COL11A1: variants seen among roughly 807,000 people sequenced by gnomAD.
COL11A1 encodes the protein collagen type XI alpha 1 chain, also known as collagen alpha-1(XI) chain.
Under a neutral mutation model 265.2 loss-of-function variants are expected in COL11A1, and 74 were observed. That is an observed-to-expected ratio of 0.28 (90% CI 0.23 to 0.34). The LOEUF (loss-of-function observed/expected upper bound fraction) is 0.34, where lower values mean the gene tolerates loss of function less well. Ranked by LOEUF, COL11A1 falls within the 10% of genes least tolerant of loss-of-function variation. COL11A1 has a pLI of 1.00. For missense variants in COL11A1, 2,165 were observed against 2,263.6 expected (o/e 0.96, Z 0.88); for synonymous variants, 816 against 727.6 (o/e 1.12, Z -1.96).
chr1:102,933,171 C>T (rs1435477423), intron 46 of COL11A1, among the ~76,000 whole-genome samples: 1 of 148,726 alleles, frequency 6.7e-6, no homozygotes, highest in East Asian at 2.0e-4. Flanking sequence ...AGGTGCTCTG[C>T]TTTTTAGAGT....
chr1:102,985,273 T>C lies in COL11A1; in HGVS notation c.2503-1082A>G, dbSNP rs1033465665. On this transcript the variant is annotated intron_variant, in intron 30 of 66. Coordinates refer to ENST00000370096, the MANE Select transcript of COL11A1 (RefSeq NM_001854.4). Reference sequence around the variant, plus strand: ...TTGATAAAAGATGAACAGAAGCTTATAAATAAAAATAAGTATTTTACTGGA... The same window carrying C: ...TTGATAAAAGATGAACAGAAGCTTACAAATAAAAATAAGTATTTTACTGGA... Among the ~76,000 whole-genome samples, 4 of 152,184 alleles carry C rather than the reference T, an allele frequency of 2.6e-5. No individual in the cohort carries two copies. In the South Asian group the frequency reaches 8.3e-4, roughly 32 times the overall value.
At chr1:103,048,985 C>G (rs1043348702) in intron 4 of COL11A1, among the ~76,000 whole-genome samples, 1 of 152,084 alleles carries the variant, frequency 6.6e-6, no homozygotes, top group African/African-American at 2.4e-5. Flanking sequence ...AATTTCTGTT[C>G]TTTTACATTT....
chr1:103,056,298 A>G (rs1481353453), intron 4 of COL11A1, among the ~76,000 whole-genome samples: 1 of 152,202 alleles, frequency 6.6e-6, no homozygotes, highest in African/African-American at 2.4e-5. Context: ...TATCTCCAGA[A>G]TTAAGCATGT....
intron 1 of COL11A1, among the ~76,000 whole-genome samples, chr1:103,099,366 C>T (rs1490708361): frequency 6.6e-6 from 1 of 151,092 alleles, no homozygotes; most frequent in East Asian, 1.9e-4. Context: ...ATATAATTTA[C>T]TTTCTAACTT....
chr1:103,000,356 A>T (rs1363915654), intron 24 of COL11A1, among the ~76,000 whole-genome samples: 1 of 151,576 alleles, frequency 6.6e-6, no homozygotes, highest in African/African-American at 2.4e-5. Flanking sequence ...CATCCACAGA[A>T]AAAAGTACTT....
At position 103,003,119 on chromosome 1, in the gene COL11A1, T is replaced by G. The variant is rs2101835008; in HGVS notation, c.1998+96A>C. ...TAGATCTTCAAACATAACAAGGCAA[T>G]AAACTCTTGGCTCTCTACTGAGGGC... On this transcript the variant is annotated intron_variant, in intron 21 of 66. Coordinates refer to ENST00000370096, the MANE Select transcript of COL11A1 (RefSeq NM_001854.4). 4 of 1,244,620 alleles carry G rather than the reference T, an allele frequency of 3.2e-6. No individual in the cohort carries two copies. In the East Asian group the frequency reaches 9.6e-5, roughly 30 times the overall value. 77.1% of individuals were successfully genotyped at this position (1,244,620 alleles called of 1,614,324 possible).
intron 13 of COL11A1, among the ~76,000 whole-genome samples, chr1:103,014,249 A>T (rs887611489): frequency 2.0e-5 from 3 of 152,098 alleles, no homozygotes; most frequent in African/African-American, 7.2e-5. Flanking sequence ...AAAAAAATAG[A>T]AATCTTGCGT....
At chr1:102,914,561 A>G (rs528797538) in intron 51 of COL11A1, 143 bp downstream of exon 51, 1 of 968,562 alleles carries the variant, frequency 1.0e-6, no homozygotes, top group African/African-American at 1.6e-5. Context: ...AATTCAATTG[A>G]GAATGCTTAC....
intron 38 of COL11A1, among the ~76,000 whole-genome samples, chr1:102,964,885 T>C (rs1197719372): frequency 2.6e-5 from 4 of 152,184 alleles, no homozygotes; most frequent in Admixed American, 6.5e-5. Context: ...TTTGTAGTTA[T>C]TTTATACTAT....
intron 1 of COL11A1, among the ~76,000 whole-genome samples, chr1:103,086,704 C>T (rs541383873): frequency 6.6e-6 from 1 of 152,280 alleles, no homozygotes; most frequent in Non-Finnish European, 1.5e-5. Flanking sequence ...GCGTGAGCCA[C>T]CGCGCCCGGC....
chr1:102,962,849 A>C, intron 38 of COL11A1, 89 bp from the exon 39 acceptor site: 1 of 1,195,790 alleles, frequency 8.4e-7, no homozygotes, highest in Non-Finnish European at 1.2e-6. Flanking sequence ...TTACATTTAC[A>C]AAAGTTTATC....
At chr1:103,023,947 TATTA>T (rs1258266625) in intron 7 of COL11A1, among the ~76,000 whole-genome samples, 3 of 152,118 alleles carry the variant, frequency 2.0e-5, no homozygotes, top group Admixed American at 6.6e-5. Context: ...AAGGAATAAA[TATTA>T]ATTAATACTT....
rs114110904 is a variant in COL11A1 at position 103,082,742 on chromosome 1, G to A, written c.274+63C>T. 2.9e-3 allele frequency: 3,983 copies of A among 1,372,284 alleles called. 82 individuals are homozygous for A. The African/African-American group carries it at 0.051, about 18-fold the overall frequency. 85.0% of individuals were successfully genotyped at this position (1,372,284 alleles called of 1,614,324 possible). ...TAAAGAAATACTAAAAGTAGTTTTA[G>A]TAGTAACAAAAGTGTAATAACTTTT... is the stretch of plus-strand genomic sequence containing the variant. On this transcript the variant is annotated intron_variant, in intron 2 of 66. Transcript: ENST00000370096.
chr1:102,972,147 G>T (rs1662032996), intron 36 of COL11A1, among the ~76,000 whole-genome samples: 1 of 152,084 alleles, frequency 6.6e-6, no homozygotes, highest in South Asian at 2.1e-4. Context: ...CAATAAACTT[G>T]CTTTCAATTC....
At chr1:102,878,475 C>CATATATATATATAT (rs57574729) in intron 66 of COL11A1, among the ~76,000 whole-genome samples, 3,028 of 49,214 alleles carry the variant, frequency 0.062, 273 homozygotes, top group East Asian at 0.16. Context: ...ATTGAATCCT[C>CATATATATATATAT]ATATATATAT....
intron 4 of COL11A1, among the ~76,000 whole-genome samples, chr1:103,046,357 G>A (rs536799001): frequency 6.8e-6 from 1 of 146,452 alleles, no homozygotes; most frequent in African/African-American, 2.5e-5. Flanking sequence ...GATGGCCAGT[G>A]ATTATGAACA....
chr1:103,098,788 C>A (rs1342548093), intron 1 of COL11A1, among the ~76,000 whole-genome samples: 5 of 151,756 alleles, frequency 3.3e-5, no homozygotes, highest in African/African-American at 1.2e-4. Flanking sequence ...AAAGTTATTT[C>A]TAGAGGGAGA....
intron 36 of COL11A1, among the ~76,000 whole-genome samples, chr1:102,972,594 A>G (rs760393933): frequency 2.0e-5 from 3 of 152,164 alleles, no homozygotes; most frequent in Non-Finnish European, 4.4e-5. Context: ...TAAGCAGACT[A>G]ATTACCAAAT....
intron 5 of COL11A1, among the ~76,000 whole-genome samples, chr1:103,027,663 T>G (rs1667653649): frequency 6.6e-6 from 1 of 151,934 alleles, no homozygotes; most frequent in Non-Finnish European, 1.5e-5. Flanking sequence ...TGACCACAAA[T>G]GTTTTAGAAA....
Sources: gnomAD v4.1 joint callset for allele counts (sites outside exome capture counted in the v4.1 genomes callset) on GRCh38, gnomAD v4.1.1 for gene constraint, MANE v1.5 for transcripts, NCBI Gene and HGNC (gene_info 2026-07-23, HGNC 2026-07-21) for gene names.